Variants in CHRDL2 observed in about 807,000 individuals in gnomAD.
The protein encoded by CHRDL2 is chordin like 2.
In CHRDL2, 41 loss-of-function variants were observed where a neutral mutation model predicts 54.3. The observed-to-expected ratio is 0.76, with a 90% CI of 0.59 to 0.98. CHRDL2 has a LOEUF of 0.98. Among genes scored for constraint, CHRDL2 ranks in the 50% least tolerant of loss-of-function variants. CHRDL2 has a pLI of 0.00. For missense variants in CHRDL2, 518 were observed against 562.4 expected (o/e 0.92, Z 0.80); for synonymous variants, 220 against 224.3 (o/e 0.98, Z 0.17).
At chr11:74,721,635 C>T (rs1174233052) in intron 1 of CHRDL2, among the ~76,000 whole-genome samples, 1 of 152,272 alleles carries the variant, frequency 6.6e-6, no homozygotes, top group Non-Finnish European at 1.5e-5. Context: ...GGAAGAACTG[C>T]CAGACGGCGA....
At chr11:74,706,463 C>G in intron 6 of CHRDL2, 24 bp downstream of exon 6, 4 of 1,613,188 alleles carry the variant, frequency 2.5e-6, no homozygotes, top group Non-Finnish European at 3.4e-6. Context: ...GTCCCGCACC[C>G]CGTCAATAAG....
intron 1 of CHRDL2, among the ~76,000 whole-genome samples, chr11:74,719,701 C>T (rs1045287532): frequency 2.0e-5 from 3 of 152,238 alleles, no homozygotes. Context: ...TGCAATCGCA[C>T]ATCAGTTGTC....
rs761495034 is a variant in CHRDL2 at position 74,697,595 on chromosome 11, C to G, written c.1121-298G>C. The G allele has an allele frequency of 1.8e-5, 9 of 498,102 alleles. No individual in the cohort carries two copies. In the Middle Eastern group the frequency reaches 1.5e-3, roughly 83 times the overall value. The allele number at this position is 498,102 out of a possible 1,614,324, so 30.9% of individuals were successfully genotyped here. A position where few individuals can be genotyped will look rare whatever the true frequency, so the allele number is the denominator to read the frequency against. On this transcript the variant is annotated intron_variant, in intron 9 of 10. Coordinates refer to ENST00000376332, the MANE Select transcript of CHRDL2 (RefSeq NM_001278473.3). Reference sequence around the variant, plus strand: ...AGCTCTGGTCATTAGAACATGTATACGTCACCCTGTCATTCCCCTTCCCTG... The same window carrying G: ...AGCTCTGGTCATTAGAACATGTATAGGTCACCCTGTCATTCCCCTTCCCTG...
At chr11:74,723,254 C>T (rs1247378601) in intron 1 of CHRDL2, among the ~76,000 whole-genome samples, 7 of 152,104 alleles carry the variant, frequency 4.6e-5, no homozygotes, top group Non-Finnish European at 7.4e-5. Flanking sequence ...ATTGAGGTTT[C>T]GGGACTGAAC....
rs535276985 is a variant in CHRDL2 at position 74,707,788 on chromosome 11, C to T, written c.526+514G>A. On this transcript the variant is annotated intron_variant, in intron 5 of 10. Transcript: ENST00000376332. ...CCGCAGCTCCTGTCCACATCCCCTG[C>T]GCCCACTCCTTACCCCAGCCCACTC... Among the ~76,000 whole-genome samples the T allele has an allele frequency of 3.9e-5, 6 of 152,182 alleles. No individual in the cohort carries two copies. In the South Asian group the frequency reaches 6.2e-4, roughly 16 times the overall value.
intron 2 of CHRDL2, among the ~76,000 whole-genome samples, chr11:74,714,423 G>A (rs1014237489): frequency 6.6e-6 from 1 of 152,178 alleles, no homozygotes; most frequent in Non-Finnish European, 1.5e-5. Flanking sequence ...GGCGAAGTTT[G>A]TTTCTAGCCC....
intron 1 of CHRDL2, among the ~76,000 whole-genome samples, chr11:74,722,750 C>T (rs538822198): frequency 6.6e-6 from 1 of 152,290 alleles, no homozygotes; most frequent in Non-Finnish European, 1.5e-5. Context: ...CTCCTGCATT[C>T]TTCTAGCCCC....
At chr11:74,715,581 C>T (rs191965199) in intron 2 of CHRDL2, among the ~76,000 whole-genome samples, 14 of 142,648 alleles carry the variant, frequency 9.8e-5, no homozygotes, top group Non-Finnish European at 1.4e-4. Context: ...CCAGCCTGGG[C>T]GACAGAGCGA....
intron 9 of CHRDL2, among the ~76,000 whole-genome samples, chr11:74,697,866 G>A (rs542342593): frequency 6.6e-6 from 1 of 152,224 alleles, no homozygotes; most frequent in East Asian, 1.9e-4. Flanking sequence ...GCTTTTCTCA[G>A]GGCATAGAAC....
intron 9 of CHRDL2, chr11:74,698,329 A>G (rs1474276859): frequency 6.7e-6 from 1 of 149,752 alleles, no homozygotes; most frequent in Non-Finnish European, 1.5e-5. Flanking sequence ...TGGCCTCCCA[A>G]AGCACAAGCT....
At chr11:74,702,727 G>A in intron 9 of CHRDL2, 67 bp downstream of exon 9, 1 of 1,545,372 alleles carries the variant, frequency 6.5e-7, no homozygotes, top group Non-Finnish European at 8.9e-7. Flanking sequence ...AGGCCCCTGT[G>A]GGGTCTGGGG....
intron 9 of CHRDL2, chr11:74,698,127 G>C (rs979719554): frequency 1.3e-5 from 2 of 148,380 alleles, no homozygotes; most frequent in Admixed American, 6.8e-5. Context: ...ACAATGGTAT[G>C]ATCTCAGCTC....
At chr11:74,726,505 G>A (rs1234916591) in intron 1 of CHRDL2, among the ~76,000 whole-genome samples, 1 of 152,196 alleles carries the variant, frequency 6.6e-6, no homozygotes, top group African/African-American at 2.4e-5. Context: ...TGGGGTCCTG[G>A]ACAGAGGAAG....
chr11:74,714,428 T>C (rs1342130761), intron 2 of CHRDL2, among the ~76,000 whole-genome samples: 1 of 152,196 alleles, frequency 6.6e-6, no homozygotes, highest in African/African-American at 2.4e-5. Flanking sequence ...AGTTTGTTTC[T>C]AGCCCCGCTT....
intron 9 of CHRDL2, among the ~76,000 whole-genome samples, chr11:74,700,556 C>T (rs562657488): frequency 7.9e-5 from 12 of 152,018 alleles, no homozygotes; most frequent in Admixed American, 2.0e-4. Context: ...TTGGGGGCAG[C>T]GGAGAGAGAG....
intron 9 of CHRDL2, chr11:74,698,262 C>A (rs1490027608): frequency 2.8e-5 from 2 of 72,196 alleles, no homozygotes; most frequent in African/African-American, 1.3e-4. Flanking sequence ...TTAGTAGAGA[C>A]TGGGTTTTAG....
At chr11:74,703,202 G>A in intron 8 of CHRDL2, 103 bp downstream of exon 8, 5 of 1,364,642 alleles carry the variant, frequency 3.7e-6, no homozygotes, top group East Asian at 4.7e-5. Flanking sequence ...ACCGATGCAT[G>A]CCCTTCCATG....
At chr11:74,724,871 G>A (rs1269331136) in intron 1 of CHRDL2, among the ~76,000 whole-genome samples, 2 of 152,218 alleles carry the variant, frequency 1.3e-5, no homozygotes, top group Non-Finnish European at 2.9e-5. Context: ...TTGTGCTCAA[G>A]GTAGAGCCTA....
At chr11:74,696,849 C>T (rs2033611926) in intron 10 of CHRDL2, among the ~76,000 whole-genome samples, 1 of 152,176 alleles carries the variant, frequency 6.6e-6, no homozygotes, top group Non-Finnish European at 1.5e-5. Context: ...CCCTCCCCGA[C>T]CTGAAACCCC....
Sources: allele counts gnomAD v4.1 joint callset (sites outside exome capture counted in the v4.1 genomes callset), GRCh38; gene constraint gnomAD v4.1.1; transcripts MANE v1.5; gene names NCBI Gene and HGNC (gene_info 2026-07-23, HGNC 2026-07-21).